Variants in C12orf56 observed in about 807,000 individuals in gnomAD.
The protein encoded by C12orf56 is uncharacterized protein C12orf56.
Under a neutral mutation model 69.9 loss-of-function variants are expected in C12orf56, and 71 were observed. The observed-to-expected ratio is 1.02, with a 90% CI of 0.84 to 1.24. The LOEUF (loss-of-function observed/expected upper bound fraction) is 1.24. Among genes scored for constraint, C12orf56 ranks in the 50% most tolerant of loss-of-function variants. C12orf56 has a pLI of 0.00. For missense variants in C12orf56, 732 were observed against 738.5 expected, an observed-to-expected ratio of 0.99 and a Z score of 0.10; for synonymous variants, 276 against 274.1, an observed-to-expected ratio of 1.01 and a Z score of -0.07.
rs115910418 is a variant in C12orf56 at position 64,350,450 on chromosome 12, T to A, written c.415+2444A>T. Among the ~76,000 whole-genome samples, 585 of 152,328 alleles carry A rather than the reference T, an allele frequency of 3.8e-3. 4 individuals are homozygous for A. Among genetic ancestry groups the A allele is most frequent in the African/African-American group, 0.013 (561 of 41,576 alleles). ...TATTTTCTTTGCAATAGGATGCAAC[T>A]GGAGAAACTGGTTGTTTTACCAAGG... On this transcript the variant is annotated intron_variant, in intron 2 of 12. Transcript: ENST00000543942.
chr12:64,386,350 C>T (rs1429705082), intron 1 of C12orf56, among the ~76,000 whole-genome samples: 1 of 143,298 alleles, frequency 7.0e-6, no homozygotes, highest in African/African-American at 2.6e-5. Context: ...AGTAGCTGGG[C>T]TTACAGGTGT....
At chr12:64,329,424 C>A (rs2038896676) in intron 3 of C12orf56, among the ~76,000 whole-genome samples, 4 of 151,942 alleles carry the variant, frequency 2.6e-5, no homozygotes, top group Admixed American at 6.6e-5. Flanking sequence ...GACTTTCCAC[C>A]AATCTCAGGT....
intron 3 of C12orf56, among the ~76,000 whole-genome samples, chr12:64,323,626 T>C (rs2038801189): frequency 7.0e-6 from 1 of 143,340 alleles, no homozygotes; most frequent in Non-Finnish European, 1.5e-5. Context: ...TGCAGTGGTG[T>C]GAGTAGCTTG....
At chr12:64,359,748 C>G (rs1234173121) in intron 1 of C12orf56, among the ~76,000 whole-genome samples, 1 of 152,132 alleles carries the variant, frequency 6.6e-6, no homozygotes, top group Non-Finnish European at 1.5e-5. Flanking sequence ...GAGTCTCGCT[C>G]TGTCACCCAG....
chr12:64,296,252 G>A (rs1010705147), intron 6 of C12orf56, among the ~76,000 whole-genome samples: 19 of 152,214 alleles, frequency 1.2e-4, no homozygotes, highest in Admixed American at 1.0e-3. Flanking sequence ...GGTGATGCTG[G>A]TGGGGGCTCA....
chr12:64,331,656 G>C (rs2038931706), intron 2 of C12orf56, among the ~76,000 whole-genome samples: 1 of 152,246 alleles, frequency 6.6e-6, no homozygotes, highest in East Asian at 1.9e-4. Context: ...TGAGGACATA[G>C]GATTTGTTCC....
intron 3 of C12orf56, among the ~76,000 whole-genome samples, chr12:64,328,679 CAAAAAAAAAAAAA>C (rs59688148): frequency 6.9e-5 from 4 of 57,916 alleles, no homozygotes; most frequent in South Asian, 7.6e-4. Flanking sequence ...GACTCCATCT[CAAAAAAAAAAAAA>C]AAAAAAAAAA....
chr12:64,268,743 A>G (rs2037943236), intron 12 of C12orf56, among the ~76,000 whole-genome samples: 1 of 152,040 alleles, frequency 6.6e-6, no homozygotes. Context: ...TTAAGTGAGG[A>G]GGTGCAAGAG....
intron 5 of C12orf56, 25 bp from the exon 6 acceptor site, chr12:64,303,804 C>A: frequency 6.4e-7 from 1 of 1,554,660 alleles, no homozygotes; most frequent in Non-Finnish European, 8.6e-7. Flanking sequence ...GAAAATTTTC[C>A]ACTTAAAAAA....
intron 4 of C12orf56, among the ~76,000 whole-genome samples, chr12:64,317,217 A>T (rs2038700810): frequency 6.6e-6 from 1 of 151,984 alleles, no homozygotes. Context: ...TTGTCCTGTA[A>T]TTTTTCATAA....
At chr12:64,380,790 G>A (rs528061605) in intron 1 of C12orf56, among the ~76,000 whole-genome samples, 1 of 152,332 alleles carries the variant, frequency 6.6e-6, no homozygotes, top group South Asian at 2.1e-4. Context: ...AGGGCATAAA[G>A]AACGTGGGGA....
intron 1 of C12orf56, among the ~76,000 whole-genome samples, chr12:64,369,704 C>T (rs920134981): frequency 4.0e-5 from 6 of 151,896 alleles, no homozygotes; most frequent in South Asian, 4.2e-4. Flanking sequence ...GCTGGTAGGC[C>T]AGACATGGTG....
In C12orf56 at chr12:64,318,908, G is replaced by GGACA. The variant is rs1356557856; in HGVS notation, c.557_560dup (p.Leu188ValfsTer52). On this transcript the variant is annotated frameshift_variant, in exon 4 of 13. Transcript: ENST00000543942. LOFTEE classifies it high-confidence loss of function. Reference sequence around the variant, plus strand: ...GTCGAAAGGCACCTTGGCCATGAAGGGACAGCTTTTTGAGGCCTGGACGAG... The same window carrying GGACA: ...GTCGAAAGGCACCTTGGCCATGAAGGGACAGACAGCTTTTTGAGGCCTGGACGAG... 1 of 1,536,846 alleles carries GGACA rather than the reference G, an allele frequency of 6.5e-7. No homozygotes were observed.
chr12:64,390,435 T>C lies in C12orf56; in HGVS notation c.131A>G (p.Asn44Ser), dbSNP rs371164866. ...ATACTTGAGGATGTGGTTCTCAGAG[T>C]TGGACACCACGATGCATGGCTCGTA... ...RAYEPCIVVSNSENHILKYVV... is the reference protein window; with the variant it reads ...RAYEPCIVVSSSENHILKYVV... Residue 44 changes from asparagine to serine, a missense_variant, in exon 1 of 13, where the codon AAC (asparagine) becomes AGC (serine). By Grantham distance (46) the Asn-to-Ser change is conservative (BLOSUM62 1). Coordinates refer to ENST00000543942, the MANE Select transcript of C12orf56 (RefSeq NM_001170633.2). The C allele has an allele frequency of 1.2e-4, 195 of 1,612,214 alleles. 1 individual carries two copies. The African/African-American group carries it at 2.0e-3, about 16-fold the overall frequency.
chr12:64,356,088 CG>C (rs1448493483), intron 1 of C12orf56, among the ~76,000 whole-genome samples: 2 of 142,928 alleles, frequency 1.4e-5, no homozygotes, highest in Non-Finnish European at 3.0e-5. Flanking sequence ...TGCTTGAACC[CG>C]GGAGGTGGAG....
At chr12:64,334,122 A>G (rs2038964342) in intron 2 of C12orf56, among the ~76,000 whole-genome samples, 1 of 152,240 alleles carries the variant, frequency 6.6e-6, no homozygotes, top group African/African-American at 2.4e-5. Flanking sequence ...CCAGCTGAAG[A>G]ACATTTTTAG....
intron 5 of C12orf56, among the ~76,000 whole-genome samples, chr12:64,310,207 A>G (rs1051035053): frequency 1.1e-4 from 16 of 150,834 alleles, no homozygotes; most frequent in Non-Finnish European, 2.1e-4. Flanking sequence ...AGGTCTCACT[A>G]TGTTGCCTAG....
At chr12:64,344,605 T>C (rs139584820) in intron 2 of C12orf56, among the ~76,000 whole-genome samples, 30 of 152,192 alleles carry the variant, frequency 2.0e-4, no homozygotes, top group African/African-American at 6.8e-4. Flanking sequence ...ATTCCCATTG[T>C]ATTTAAATTT....
At chr12:64,340,507 A>G (rs958602179) in intron 2 of C12orf56, among the ~76,000 whole-genome samples, 2 of 152,334 alleles carry the variant, frequency 1.3e-5, no homozygotes, top group African/African-American at 2.4e-5. Context: ...TATGCCTAGC[A>G]TAATACAACT....
Sources: allele counts gnomAD v4.1 joint callset (sites outside exome capture counted in the v4.1 genomes callset), GRCh38; gene constraint gnomAD v4.1.1; transcripts MANE v1.5; gene names NCBI Gene and HGNC (gene_info 2026-07-23, HGNC 2026-07-21).